Variants in CPNE1 observed in about 807,000 individuals in gnomAD.
CPNE1 encodes the protein copine-1.
CPNE1 carries 58 observed loss-of-function variants against 63.2 expected under a neutral mutation model. The ratio of observed to expected loss-of-function variants is 0.92; its 90% CI spans 0.74 to 1.14. The LOEUF is 1.14. Among genes scored for constraint, CPNE1 ranks in the 50% most tolerant of loss-of-function variants. The pLI is 0.00. For missense variants in CPNE1, 672 were observed against 661.7 expected (o/e 1.02, Z -0.17); for synonymous variants, 237 against 249.0 (o/e 0.95, Z 0.45).
chr20:35,644,852 A>C (rs2033018716), intron 1 of CPNE1, among the ~76,000 whole-genome samples: 1 of 152,192 alleles, frequency 6.6e-6, no homozygotes, highest in Admixed American at 6.5e-5. Context: ...TGGACTCCAC[A>C]TTTACAGGAG....
intron 1 of CPNE1, among the ~76,000 whole-genome samples, chr20:35,635,546 G>A (rs775677897): frequency 2.0e-5 from 3 of 151,948 alleles, no homozygotes; most frequent in Non-Finnish European, 1.5e-5. Context: ...GGTTCACCAC[G>A]ACAACACCTG....
intron 1 of CPNE1, chr20:35,652,779 A>C: frequency 6.2e-7 from 1 of 1,611,518 alleles, no homozygotes; most frequent in Non-Finnish European, 8.5e-7. Flanking sequence ...TTCCAGAACT[A>C]GATGCAAAGC....
chr20:35,654,525 C>T (rs1244152090), intron 1 of CPNE1: 2 of 1,614,198 alleles, frequency 1.2e-6, no homozygotes, highest in East Asian at 4.5e-5. Flanking sequence ...TGTTCAAATT[C>T]ATAGGTGCTC....
At chr20:35,644,640 G>A (rs757182257) in intron 1 of CPNE1, among the ~76,000 whole-genome samples, 3 of 143,764 alleles carry the variant, frequency 2.1e-5, no homozygotes, top group African/African-American at 4.9e-5. Context: ...CCGATTCTGA[G>A]AATGTTATTT....
intron 1 of CPNE1, among the ~76,000 whole-genome samples, chr20:35,640,127 T>C (rs754335048): frequency 4.6e-5 from 7 of 152,220 alleles, no homozygotes; most frequent in Non-Finnish European, 1.0e-4. Context: ...CAACTCTTTA[T>C]AAACAAATCT....
intron 12 of CPNE1, 68 bp from the exon 13 acceptor site, chr20:35,630,558 C>T: frequency 1.3e-6 from 2 of 1,564,512 alleles, no homozygotes; most frequent in Middle Eastern, 1.7e-4. Flanking sequence ...AGGACACTGG[C>T]GTGTGCCAAG....
rs1379852025 is a variant in CPNE1, at chr20:35,654,926, C to A, written c.-1+9834G>T. 6.2e-7 allele frequency: 1 copy of A among 1,614,152 alleles called. No homozygotes were observed. The highest frequency in any genetic ancestry group is 1.3e-5 in the African/African-American group (1 of 75,008). On this transcript the variant is annotated intron_variant, in intron 1 of 15. Transcript: ENST00000397443. ...TGAACAGAAGTGGTGGCAGTAACTACACTGGGTGATGGATTATTAAAGTTG... is the reference window on the plus strand; with the variant it reads ...TGAACAGAAGTGGTGGCAGTAACTAAACTGGGTGATGGATTATTAAAGTTG...
intron 1 of CPNE1, chr20:35,654,338 C>G (rs2033752626): frequency 1.2e-6 from 2 of 1,614,094 alleles, no homozygotes; most frequent in Non-Finnish European, 1.7e-6. Flanking sequence ...ACTGCATCAA[C>G]ACGGAGCCCA....
chr20:35,653,242 C>G, intron 1 of CPNE1: 4 of 1,613,628 alleles, frequency 2.5e-6, no homozygotes, highest in Non-Finnish European at 3.4e-6. Context: ...TATTCCTGCA[C>G]TGGGCATTCC....
chr20:35,626,284 A>C lies in CPNE1; in HGVS notation c.1571T>G (p.Leu524Arg), dbSNP rs138171097. 2.6e-5 allele frequency: 42 copies of C among 1,614,108 alleles called. No homozygotes were observed. The African/African-American group carries it at 5.2e-4, about 20-fold the overall frequency. Reference protein sequence around the residue: ...RAQGWAPLKPLPPSAKDPAQA... With the variant: ...RAQGWAPLKPRPPSAKDPAQA... ...TGCAGGATCCTTGGCTGAGGGTGGA[A>C]GTGGCTTGAGCGGGGCCCAACCCTG... Residue 524 changes from leucine (L) to arginine (R), a missense_variant, in exon 16 of 16, where the codon CTT (leucine) becomes CGT (arginine). Leu to Arg is a moderately radical substitution (Grantham distance 102, BLOSUM62 -2). Coordinates refer to ENST00000397443, the MANE Select transcript of CPNE1 (RefSeq NM_152925.3).
chr20:35,637,450 G>A (rs552918044), intron 1 of CPNE1, among the ~76,000 whole-genome samples: 2 of 151,976 alleles, frequency 1.3e-5, no homozygotes, highest in East Asian at 1.9e-4. Context: ...ACCTCCTGCC[G>A]CTCACTCACC....
intron 1 of CPNE1, among the ~76,000 whole-genome samples, chr20:35,648,346 T>C: frequency 6.6e-6 from 1 of 152,242 alleles, no homozygotes. Flanking sequence ...ATGATGCACA[T>C]AGTTGATAAA....
At chr20:35,638,055 G>A (rs73275485) in intron 1 of CPNE1, among the ~76,000 whole-genome samples, 1,943 of 152,242 alleles carry the variant, frequency 0.013, 30 homozygotes, top group African/African-American at 0.044. Context: ...TAACATTGAA[G>A]CCACACCATA....
At chr20:35,654,979 C>T in intron 1 of CPNE1, 7 of 1,614,156 alleles carry the variant, frequency 4.3e-6, no homozygotes, top group Non-Finnish European at 5.9e-6. Flanking sequence ...GTTTACCCTG[C>T]TACTCATTCC....
chr20:35,631,831 C>T lies in CPNE1; in HGVS notation c.538-54G>A, dbSNP rs910778740. On this transcript the variant is annotated intron_variant, in intron 6 of 15. Transcript: ENST00000397443. ...AGCTCTGGCATGGCCCCCTGAGGAG[C>T]TGCCACACTTCTCTACCCACCTGCA... 3.2e-6 allele frequency: 5 copies of T among 1,548,698 alleles called. No individual in the cohort carries two copies. In the Admixed American group the frequency reaches 8.4e-5, roughly 26 times the overall value.
intron 1 of CPNE1, chr20:35,652,774 G>C: frequency 6.2e-7 from 1 of 1,611,880 alleles, no homozygotes. Context: ...TGGTTTTCCA[G>C]AACTAGATGC....
intron 1 of CPNE1, among the ~76,000 whole-genome samples, chr20:35,659,883 G>A (rs1433998557): frequency 1.3e-5 from 2 of 151,782 alleles, no homozygotes; most frequent in African/African-American, 4.8e-5. Context: ...GTTTTAATTC[G>A]GAGAGAGAAG....
intron 1 of CPNE1, among the ~76,000 whole-genome samples, chr20:35,663,368 C>G (rs1374098182): frequency 6.6e-6 from 1 of 152,228 alleles, no homozygotes; most frequent in East Asian, 1.9e-4. Context: ...CCAGACAATT[C>G]TTGTTGCTAA....
intron 1 of CPNE1, chr20:35,654,581 T>G: frequency 6.2e-7 from 1 of 1,614,140 alleles, no homozygotes; most frequent in East Asian, 2.2e-5. Context: ...GGTGGCGGAT[T>G]CAAGGGCGGC....
Sources: allele counts gnomAD v4.1 joint callset (sites outside exome capture counted in the v4.1 genomes callset), GRCh38; gene constraint gnomAD v4.1.1; transcripts MANE v1.5; gene names NCBI Gene and HGNC (gene_info 2026-07-23, HGNC 2026-07-21).